The following ZC3H4 variants were observed in gnomAD, a reference collection of about 807,000 sequenced individuals.
The protein encoded by ZC3H4 is zinc finger CCCH-type containing 4.
Under a neutral mutation model 108.3 loss-of-function variants are expected in ZC3H4, and 13 were observed. The ratio of observed to expected loss-of-function variants is 0.12; its 90% CI spans 0.08 to 0.19. The LOEUF (loss-of-function observed/expected upper bound fraction) is 0.19. ZC3H4 is among the 10% of genes least tolerant of loss of function. ZC3H4 has a pLI of 1.00. For missense variants in ZC3H4, 1,734 were observed against 1,838.8 expected (o/e 0.94, Z 1.04); for synonymous variants, 917 against 749.6 (o/e 1.22, Z -3.65).
chr19:47,084,652 G>A (rs960842945), intron 8 of ZC3H4, among the ~76,000 whole-genome samples, 197 bp from the exon 9 acceptor site: 15 of 152,222 alleles, frequency 9.9e-5, no homozygotes, highest in African/African-American at 3.1e-4. Flanking sequence ...GCTGCCTGGT[G>A]AGGAAAAGCT....
At chr19:47,092,619 C>A (rs572265768) in intron 4 of ZC3H4, among the ~76,000 whole-genome samples, 1 of 151,710 alleles carries the variant, frequency 6.6e-6, no homozygotes, top group East Asian at 2.0e-4. Context: ...GAGTTCGAGG[C>A]CAGCCTGGCC....
intron 5 of ZC3H4, among the ~76,000 whole-genome samples, chr19:47,089,025 G>A (rs2057682864): frequency 1.3e-5 from 2 of 151,750 alleles, no homozygotes; most frequent in African/African-American, 4.8e-5. Context: ...GACCAACATG[G>A]TGAAACTCCG....
In ZC3H4 at chr19:47,067,054, G is replaced by C; in HGVS notation, c.3214C>G (p.Arg1072Gly). 1 of 1,606,868 alleles carries C rather than the reference G, an allele frequency of 6.2e-7. No individual in the cohort carries two copies. The highest frequency in any genetic ancestry group is 8.5e-7 in the Non-Finnish European group (1 of 1,176,706). ...PGSSDKPSDP[R>G]VRKAPTDPRL... ...GGGTCGGTGGGGGCCTTCCGCACCC[G>C]GGGGTCACTGGGTTTGTCGCTGGAA... is the stretch of plus-strand genomic sequence containing the variant. The change falls in exon 15 of 15, where the codon CGG (arginine) becomes GGG (glycine). Residue 1072 changes from arginine to glycine, a missense_variant. Around this residue, in one of 9 missense-constraint regions of ZC3H4, gnomAD observed 518 missense variants for 499.6 expected, o/e 1.04. Coordinates refer to ENST00000253048, the MANE Select transcript of ZC3H4 (RefSeq NM_015168.2). This position sits in a 1 kb window ranked among gnomAD's most constrained non-coding sequence, Gnocchi z 6.4.
intron 7 of ZC3H4, 39 bp downstream of exon 7, chr19:47,085,279 C>T: frequency 6.4e-7 from 1 of 1,570,224 alleles, no homozygotes; most frequent in Middle Eastern, 1.7e-4. Flanking sequence ...GCTGGAATCC[C>T]TGCCCCACCC....
chr19:47,112,217 G>T (rs2058048760), intron 2 of ZC3H4: 3 of 1,195,644 alleles, frequency 2.5e-6, no homozygotes, highest in Admixed American at 4.3e-5. Context: ...GCCGCGAGGG[G>T]GGGGAAACGC....
intron 13 of ZC3H4, among the ~76,000 whole-genome samples, chr19:47,070,540 C>T (rs1469128329): frequency 2.0e-5 from 3 of 152,176 alleles, no homozygotes; most frequent in Non-Finnish European, 4.4e-5. Context: ...GAGCTTTTCC[C>T]GTGCACCTTT....
intron 2 of ZC3H4, 147 bp downstream of exon 2, chr19:47,112,277 C>G: frequency 4.5e-6 from 5 of 1,121,622 alleles, no homozygotes; most frequent in Non-Finnish European, 5.6e-6. Context: ...AGCAAGCGAT[C>G]GAGAGACACC....
chr19:47,112,128 T>TC (rs1568573420), intron 2 of ZC3H4: 1 of 1,057,836 alleles, frequency 9.5e-7, no homozygotes, highest in Non-Finnish European at 1.1e-6. Flanking sequence ...GCGCGGGGGG[T>TC]CCGAGGGGCG....
chr19:47,096,963 GCCT>G (rs1425340927), intron 2 of ZC3H4: 1 of 985,266 alleles, frequency 1.0e-6, no homozygotes, highest in Admixed American at 6.2e-5. Flanking sequence ...GTCAGCTGAG[GCCT>G]CCTTCCCTGT....
chr19:47,105,870 A>C (rs2057961992), intron 2 of ZC3H4, among the ~76,000 whole-genome samples: 1 of 152,194 alleles, frequency 6.6e-6, no homozygotes, highest in Admixed American at 6.5e-5. Flanking sequence ...TTCATATCCC[A>C]CTAGTGGCTA....
chr19:47,110,997 G>T, intron 2 of ZC3H4: 1 of 861,666 alleles, frequency 1.2e-6, no homozygotes, highest in Non-Finnish European at 1.4e-6. Flanking sequence ...GGAGTGGGGA[G>T]AAGGGGTCGT....
chr19:47,070,354 G>A (rs1049254992), intron 13 of ZC3H4, among the ~76,000 whole-genome samples: 6 of 152,108 alleles, frequency 3.9e-5, no homozygotes, highest in African/African-American at 4.8e-5. Context: ...ACATCCCAGC[G>A]CAGAGCTGGG....
intron 13 of ZC3H4, among the ~76,000 whole-genome samples, chr19:47,071,225 T>C (rs548437696): frequency 6.6e-6 from 1 of 152,270 alleles, no homozygotes; most frequent in East Asian, 1.9e-4. Flanking sequence ...GCGAGGACAG[T>C]GGTGGCCTCT....
At chr19:47,109,147 A>T (rs2058004612) in intron 2 of ZC3H4, among the ~76,000 whole-genome samples, 1 of 152,022 alleles carries the variant, frequency 6.6e-6, no homozygotes, top group East Asian at 1.9e-4. Context: ...CTGGTACATC[A>T]GTCTGGGGGG....
intron 2 of ZC3H4, chr19:47,112,073 C>A: frequency 1.0e-6 from 1 of 996,966 alleles, no homozygotes; most frequent in Non-Finnish European, 1.2e-6. Flanking sequence ...CCGTGGGTCT[C>A]CGCAGCACCC....
intron 9 of ZC3H4, among the ~76,000 whole-genome samples, chr19:47,083,607 G>T (rs2057562904): frequency 6.6e-6 from 1 of 151,802 alleles, no homozygotes; most frequent in African/African-American, 2.4e-5. Flanking sequence ...TACTCAGGAG[G>T]CTGAGGCAGG....
chr19:47,103,120 G>T (rs1325246887), intron 2 of ZC3H4, among the ~76,000 whole-genome samples: 2 of 152,112 alleles, frequency 1.3e-5, no homozygotes, highest in African/African-American at 4.8e-5. Context: ...CCTGGCAGAT[G>T]AACCTCTGGA....
At chr19:47,104,211 C>T (rs1287853727) in intron 2 of ZC3H4, among the ~76,000 whole-genome samples, 1 of 151,974 alleles carries the variant, frequency 6.6e-6, no homozygotes, top group Admixed American at 6.6e-5. Flanking sequence ...CCCAACTACT[C>T]AGGAGGCTGA....
chr19:47,067,169 G>A lies in ZC3H4; in HGVS notation c.3099C>T (p.Ser1033=). The change falls in exon 15 of 15, where the codon TCC becomes TCT. Residue 1033 remains serine (S), a synonymous_variant. Coordinates refer to ENST00000253048, the MANE Select transcript of ZC3H4 (RefSeq NM_015168.2). This position sits in a 1 kb window ranked among gnomAD's most constrained non-coding sequence, Gnocchi z 6.4. ...ARQRPGASTD[S]STQGANLPDF... ...CGGGGAGGTTGGCGCCCTGTGTGCT[G>A]GAATCCGTGGAGGCGCCCGGGCGCT... The A allele has an allele frequency of 9.3e-6, 15 of 1,611,680 alleles. No homozygotes were observed. Among genetic ancestry groups the A allele is most frequent in the East Asian group, 2.2e-5 (1 of 44,826 alleles).
Sources: allele counts gnomAD v4.1 joint callset (sites outside exome capture counted in the v4.1 genomes callset), GRCh38; gene constraint gnomAD v4.1.1; regional missense constraint gnomAD v4.1.1; non-coding constraint Gnocchi (gnomAD v3.1); transcripts MANE v1.5; gene names NCBI Gene and HGNC (gene_info 2026-07-23, HGNC 2026-07-21).